WDR46: variants seen among roughly 807,000 people sequenced by gnomAD.
WDR46 encodes the protein WD repeat domain 46, also known as WD repeat-containing protein 46.
Under a neutral mutation model 74.7 loss-of-function variants are expected in WDR46, and 58 were observed. The observed-to-expected ratio is 0.78, with a 90% CI of 0.63 to 0.97. WDR46 has a LOEUF of 0.97. WDR46 is among the 50% of genes least tolerant of loss of function. The pLI is 0.00. For missense variants in WDR46, 702 were observed against 790.1 expected (o/e 0.89, Z 1.34); for synonymous variants, 278 against 297.3 (o/e 0.93, Z 0.67).
intron 10 of WDR46, among the ~76,000 whole-genome samples, chr6:33,282,198 G>T (rs1438772091): frequency 7.2e-5 from 11 of 152,214 alleles, no homozygotes; most frequent in Non-Finnish European, 2.9e-5. Flanking sequence ...AGGCCAAGGA[G>T]TCTCTTTTTT....
At chr6:33,281,159 A>T (rs79072396) in intron 10 of WDR46, among the ~76,000 whole-genome samples, 172 bp from the exon 11 acceptor site, 4,571 of 152,296 alleles carry the variant, frequency 0.03, 214 homozygotes, top group African/African-American at 0.097. Context: ...CACACAACTC[A>T]TACTATTTTT....
intron 9 of WDR46, 28 bp downstream of exon 9, chr6:33,287,063 C>A: frequency 1.2e-6 from 2 of 1,603,950 alleles, no homozygotes; most frequent in South Asian, 2.2e-5. Context: ...TCAGGATGGT[C>A]AGAGTCAAAA....
intron 10 of WDR46, among the ~76,000 whole-genome samples, chr6:33,285,275 T>C (rs570980342): frequency 3.9e-5 from 6 of 152,144 alleles, no homozygotes; most frequent in South Asian, 4.2e-4. Flanking sequence ...TGATCACAGC[T>C]CACTGCAGCC....
chr6:33,285,101 G>T (rs779240531), intron 10 of WDR46, among the ~76,000 whole-genome samples: 6 of 152,152 alleles, frequency 3.9e-5, no homozygotes, highest in Non-Finnish European at 8.8e-5. Flanking sequence ...TGACCATCTG[G>T]AACACTAACT....
In WDR46 at chr6:33,280,891, T is replaced by C. The variant is rs1766118532; in HGVS notation, c.1212A>G (p.Ala404=). The change falls in exon 11 of 15, where the codon GCA becomes GCG. Residue 404 remains alanine (A), a synonymous_variant. Transcript: ENST00000374617. ...PLSTRTLPHG[A]GHLAFSQRGL... The stretch of plus-strand genomic sequence containing the variant: ...CCCTCTGGGAGAAGGCCAGGTGCCC[T>C]GCTCCATGGGGCAGGGTCCGAGTGC... 6.2e-7 allele frequency: 1 copy of C among 1,614,122 alleles called. No individual in the cohort carries two copies.
chr6:33,287,146 G>A lies in WDR46; in HGVS notation c.960C>T (p.Leu320=), dbSNP rs773319470. ...VAALNARAGR[L]DVMSQNPYNA... ...TGTAAGGGTTCTGACTCATAACATCGAGCCGCCCAGCTCGAGCATTCAGAG... is the reference window on the plus strand; with the variant it reads ...TGTAAGGGTTCTGACTCATAACATCAAGCCGCCCAGCTCGAGCATTCAGAG... The change falls in exon 9 of 15, where the codon CTC becomes CTT. Residue 320 remains leucine, a synonymous_variant. Coordinates refer to ENST00000374617, the MANE Select transcript of WDR46 (RefSeq NM_005452.6). The A allele has an allele frequency of 8.1e-6, 13 of 1,613,742 alleles. No homozygotes were observed. Among genetic ancestry groups the A allele is most frequent in the Middle Eastern group, 1.6e-4 (1 of 6,062 alleles).
At chr6:33,280,149 C>G (rs72654501) in intron 12 of WDR46, among the ~76,000 whole-genome samples, 23 of 151,110 alleles carry the variant, frequency 1.5e-4, no homozygotes, top group Admixed American at 5.9e-4. Flanking sequence ...AGAGGGAAAC[C>G]TGACCCTCTC....
Position 33,280,874 on chromosome 6 carries a change from GAGA to G in WDR46, c.1226_1228del (p.Phe409del), listed in dbSNP as rs1280907467. 44 of 1,614,086 alleles carry G rather than the reference GAGA, an allele frequency of 2.7e-5. No individual in the cohort carries two copies. The highest frequency in any genetic ancestry group is 3.6e-5 in the Non-Finnish European group (42 of 1,180,034). On this transcript the variant is annotated inframe_deletion, in exon 11 of 15. Transcript: ENST00000374617. Reference sequence around the variant, plus strand: ...TCCCGCCACCAGCAGTCCCCTCTGGGAGAAGGCCAGGTGCCCTGCTCCATGGGG... The same window carrying G: ...TCCCGCCACCAGCAGTCCCCTCTGGGAGGCCAGGTGCCCTGCTCCATGGGG...
At chr6:33,285,814 G>A (rs1330223197) in intron 10 of WDR46, among the ~76,000 whole-genome samples, 2 of 143,686 alleles carry the variant, frequency 1.4e-5, no homozygotes, top group African/African-American at 2.5e-5. Context: ...GTGAGCCACC[G>A]CACCTGGCCA....
At position 33,279,752 on chromosome 6, in the gene WDR46, C is replaced by A. The variant is rs761743806; in HGVS notation, c.1620+12G>T. 1.9e-6 allele frequency: 3 copies of A among 1,613,680 alleles called. No homozygotes were observed. Among genetic ancestry groups the A allele is most frequent in the Non-Finnish European group, 2.5e-6 (3 of 1,179,866 alleles). On this transcript the variant is annotated intron_variant, in intron 13 of 14. Transcript: ENST00000374617. ...GAAGACGGGCCTGGGCATTCAGGGG[C>A]CTGCTCCATACCAGCCTCTCTATCT... is the stretch of plus-strand genomic sequence containing the variant.
At chr6:33,288,047 A>G in intron 5 of WDR46, 21 bp from the exon 6 acceptor site, 1 of 1,614,104 alleles carries the variant, frequency 6.2e-7, no homozygotes, top group African/African-American at 1.3e-5. Context: ...GAAGAGTGAA[A>G]AAAAAGAGTG....
chr6:33,287,099 T>C lies in WDR46; in HGVS notation c.1007A>G (p.His336Arg). 2 of 1,613,790 alleles carry C rather than the reference T, an allele frequency of 1.2e-6. No individual in the cohort carries two copies. The highest frequency in any genetic ancestry group is 8.5e-7 in the Non-Finnish European group (1 of 1,179,870). Residue 336 changes from histidine to arginine, a missense_variant, in exon 9 of 15, where the codon CAC becomes CGC. His to Arg is a conservative substitution (Grantham distance 29). Transcript: ENST00000374617. Reference sequence around the variant, plus strand: ...CTAAGCCAGGTACTGACCATTGCTGTGTCCGAGATGGATGACGGCATTGTA... The same window carrying C: ...CTAAGCCAGGTACTGACCATTGCTGCGTCCGAGATGGATGACGGCATTGTA... ...NPYNAVIHLGHSNGTVSLWSP... is the reference protein window; with the variant it reads ...NPYNAVIHLGRSNGTVSLWSP...
intron 11 of WDR46, 57 bp from the exon 12 acceptor site, chr6:33,280,579 T>G (rs1245960509): frequency 6.2e-7 from 1 of 1,602,096 alleles, no homozygotes; most frequent in Non-Finnish European, 8.5e-7. Flanking sequence ...GTCCAACAGC[T>G]CCAGCCCAAC....
chr6:33,279,175 G>A lies in WDR46; in HGVS notation c.*101C>T. The stretch of plus-strand genomic sequence containing the variant: ...AGACAGCTGTCCACCCCCAGTTGGG[G>A]AAGGGGCCACACTGCCCCCACCTCC... On this transcript the variant is annotated 3_prime_UTR_variant, in exon 15 of 15. Coordinates refer to ENST00000374617, the MANE Select transcript of WDR46 (RefSeq NM_005452.6). 3 of 1,521,564 alleles carry A rather than the reference G, an allele frequency of 2.0e-6. No individual in the cohort carries two copies. Among genetic ancestry groups the A allele is most frequent in the Non-Finnish European group, 1.8e-6 (2 of 1,120,738 alleles). The allele number at this position is 1,521,564 out of a possible 1,614,324, so 94.3% of individuals were successfully genotyped here.
intron 10 of WDR46, 50 bp downstream of exon 10, chr6:33,286,745 C>T: frequency 6.4e-7 from 1 of 1,574,030 alleles, no homozygotes; most frequent in South Asian, 1.1e-5. Context: ...GCCTTCCACA[C>T]CTTTCTGCCC....
Position 33,287,192 on chromosome 6 carries a change from G to T in WDR46, c.914C>A (p.Ser305Ter). The T allele has an allele frequency of 6.2e-7, 1 of 1,613,818 alleles. No individual in the cohort carries two copies. Among genetic ancestry groups the T allele is most frequent in the South Asian group, 1.1e-5 (1 of 91,040 alleles). Reference sequence around the variant, plus strand: ...CAGAGCTGCCACAATCTTCCCCACTGACACATCCAGGTAGGTTAGAAACCC... The same window carrying T: ...CAGAGCTGCCACAATCTTCCCCACTTACACATCCAGGTAGGTTAGAAACCC... ...ETGFLTYLDV[S>*]VGKIVAALNA... Residue 305 changes from serine (S) to a stop codon, truncating the protein, a stop_gained, in exon 9 of 15, where the codon TCA (serine) becomes TAA (stop). Coordinates refer to ENST00000374617, the MANE Select transcript of WDR46 (RefSeq NM_005452.6). LOFTEE classifies it high-confidence loss of function.
Position 33,288,432 on chromosome 6 carries a change from C to T in WDR46, c.399G>A (p.Glu133=), listed in dbSNP as rs1766909140. ...HSKAKTRSRL[E]VAEAEEEETS... ...TTTCCTCTTCCTCAGCTTCAGCCAC[C>T]TCAAGTCGGCTTCGAGTTTTGGCTT... is the stretch of plus-strand genomic sequence containing the variant. Residue 133 remains glutamate, a synonymous_variant, in exon 4 of 15, where the codon GAG becomes GAA. Coordinates refer to ENST00000374617, the MANE Select transcript of WDR46 (RefSeq NM_005452.6). 1.2e-6 allele frequency: 2 copies of T among 1,614,178 alleles called. No homozygotes were observed. The highest frequency in any genetic ancestry group is 1.7e-6 in the Non-Finnish European group (2 of 1,180,048).
rs765977476 is a variant in WDR46, at chr6:33,288,806, C to T, written c.277G>A (p.Gly93Arg). Residue 93 changes from glycine to arginine, a missense_variant and splice_region_variant, in exon 2 of 15, where the codon GGG becomes AGG. Coordinates refer to ENST00000374617, the MANE Select transcript of WDR46 (RefSeq NM_005452.6). ...KNPESQRGLS[G>R]TQDPFPGPAP... ...CACCCATCAGGTCCCACGCTCACCCCGGACAAGCCGCGCTGGGACTCCGGG... is the reference window on the plus strand; with the variant it reads ...CACCCATCAGGTCCCACGCTCACCCTGGACAAGCCGCGCTGGGACTCCGGG... 2 of 1,613,954 alleles carry T rather than the reference C, an allele frequency of 1.2e-6. No individual in the cohort carries two copies. The highest frequency in any genetic ancestry group is 2.7e-5 in the African/African-American group (2 of 74,888).
chr6:33,280,554 T>A, intron 11 of WDR46, 32 bp from the exon 12 acceptor site: 2 of 1,599,802 alleles, frequency 1.3e-6, no homozygotes, highest in Non-Finnish European at 1.7e-6. Context: ...CATGGAGCCA[T>A]AAGGAAGAAC....
Sources: allele counts gnomAD v4.1 joint callset (sites outside exome capture counted in the v4.1 genomes callset), GRCh38; gene constraint gnomAD v4.1.1; transcripts MANE v1.5; gene names NCBI Gene and HGNC (gene_info 2026-07-23, HGNC 2026-07-21).